The following CLDN11 variants were observed in gnomAD, a reference collection of about 807,000 sequenced individuals.
CLDN11 encodes the protein claudin-11.
In CLDN11, 1 loss-of-function variant was observed where a neutral mutation model predicts 18.0. The observed-to-expected ratio is 0.06, with a 90% confidence interval of 0.02 to 0.26. The LOEUF is 0.26. Ranked by LOEUF, CLDN11 falls within the 10% of genes least tolerant of loss-of-function variation. The probability of loss-of-function intolerance (pLI) is 1.00; values close to 1 mark genes in which losing one functional copy is unlikely to be tolerated. For synonymous variants in CLDN11, 116 were observed against 121.5 expected, an observed-to-expected ratio of 0.96 and a Z score of 0.30; for missense variants, 172 against 276.6, an observed-to-expected ratio of 0.62 and a Z score of 2.68.
intron 1 of CLDN11, among the ~76,000 whole-genome samples, chr3:170,420,761 C>T (rs1358871875): frequency 6.6e-6 from 1 of 152,188 alleles, no homozygotes; most frequent in Admixed American, 6.5e-5. Context: ...GATCTAGACT[C>T]AGCTTTGGCT....
intron 1 of CLDN11, chr3:170,421,160 G>T (rs914213941): frequency 1.3e-5 from 4 of 296,434 alleles, no homozygotes; most frequent in African/African-American, 2.3e-5. Context: ...GGTGGGGGGG[G>T]GGTGGGGGGC....
intron 2 of CLDN11, among the ~76,000 whole-genome samples, chr3:170,424,518 G>A (rs376606705): frequency 2.6e-5 from 4 of 152,160 alleles, no homozygotes; most frequent in Non-Finnish European, 4.4e-5. Flanking sequence ...CTCTCTTCTC[G>A]TCAGTGATTT....
chr3:170,426,095 C>G (rs961095364), intron 2 of CLDN11, among the ~76,000 whole-genome samples: 7 of 152,168 alleles, frequency 4.6e-5, no homozygotes, highest in African/African-American at 1.2e-4. Flanking sequence ...ACAAACACAC[C>G]TCATTCGACC....
chr3:170,423,273 G>C lies in CLDN11; in HGVS notation c.337G>C (p.Gly113Arg). The change falls in exon 2 of 3, where the codon GGT becomes CGT. Residue 113 changes from glycine (G) to arginine (R), a missense_variant. Around this residue, in one of 3 missense-constraint regions of CLDN11, gnomAD observed 161 missense variants for 240.3 expected, o/e 0.67. Coordinates refer to ENST00000064724, the MANE Select transcript of CLDN11 (RefSeq NM_005602.6). ...LPCIRMGQEP[G>R]VAKYRRAQLA... is the part of the protein sequence containing the mutation. ...CTGCATCCGGATGGGCCAGGAGCCC[G>C]GTGTGGCTAAGTACAGGCGGGCCCA... The C allele has an allele frequency of 6.2e-7, 1 of 1,614,176 alleles. No homozygotes were observed. Among genetic ancestry groups the C allele is most frequent in the South Asian group, 1.1e-5 (1 of 91,076 alleles).
chr3:170,429,887 A>T (rs560692519), intron 2 of CLDN11, among the ~76,000 whole-genome samples: 2 of 152,368 alleles, frequency 1.3e-5, no homozygotes, highest in South Asian at 4.1e-4. Context: ...ATAGTTGAAA[A>T]ATATAAAACT....
At chr3:170,431,814 C>G (rs1217530249) in intron 2 of CLDN11, among the ~76,000 whole-genome samples, 2 of 152,206 alleles carry the variant, frequency 1.3e-5, no homozygotes, top group African/African-American at 4.8e-5. Context: ...ACTCCAAGGA[C>G]TGTTCATTTG....
rs1373549726 is a variant in CLDN11, at chr3:170,419,446, C to T, written c.226+154C>T. On this transcript the variant is annotated intron_variant, in intron 1 of 2. Transcript: ENST00000064724. This position sits in a 1 kb window ranked among gnomAD's most constrained non-coding sequence, Gnocchi z 8.6. ...CCCACCTTGTTGTAAAAGAATTAGG[C>T]AGCCCCGAACTTAACTTCTCTAGGC... Among the ~76,000 whole-genome samples the T allele has an allele frequency of 6.6e-6, 1 of 152,188 alleles. No homozygotes were observed. Among genetic ancestry groups the T allele is most frequent in the Non-Finnish European group, 1.5e-5 (1 of 68,044 alleles).
chr3:170,425,052 C>T (rs145529662), intron 2 of CLDN11, among the ~76,000 whole-genome samples: 3 of 152,214 alleles, frequency 2.0e-5, no homozygotes, highest in Non-Finnish European at 4.4e-5. Flanking sequence ...CAGCGTCACA[C>T]GGAACACATA....
At chr3:170,430,839 C>A (rs1041428455) in intron 2 of CLDN11, among the ~76,000 whole-genome samples, 4 of 152,146 alleles carry the variant, frequency 2.6e-5, no homozygotes, top group Admixed American at 6.5e-5. Flanking sequence ...AGCCACCATG[C>A]CTGGCCAATT....
At position 170,423,292 on chromosome 3, in the gene CLDN11, G is replaced by T; in HGVS notation, c.356G>T (p.Arg119Leu). The change falls in exon 2 of 3, where the codon CGG (arginine) becomes CTG (leucine). Residue 119 changes from arginine to leucine, a missense_variant. Around this residue, in one of 3 missense-constraint regions of CLDN11, gnomAD observed 161 missense variants for 240.3 expected, o/e 0.67. Transcript: ENST00000064724. ...GQEPGVAKYR[R>L]AQLAGVLLIL... is the part of the protein sequence containing the mutation. ...GAGCCCGGTGTGGCTAAGTACAGGC[G>T]GGCCCAGCTGGCTGGTGTTTTGCTC... 6.2e-7 allele frequency: 1 copy of T among 1,614,142 alleles called. No homozygotes were observed. Among genetic ancestry groups the T allele is most frequent in the Non-Finnish European group, 8.5e-7 (1 of 1,180,030 alleles).
intron 1 of CLDN11, among the ~76,000 whole-genome samples, chr3:170,420,589 C>A (rs1738700861): frequency 6.6e-6 from 1 of 152,124 alleles, no homozygotes; most frequent in Non-Finnish European, 1.5e-5. Flanking sequence ...GTTTTAAATT[C>A]CTTGAAGATA....
chr3:170,431,471 G>C (rs1739001460), intron 2 of CLDN11, among the ~76,000 whole-genome samples: 1 of 152,158 alleles, frequency 6.6e-6, no homozygotes. Context: ...CTAGCTACAT[G>C]TGGCCATTTA....
At chr3:170,429,528 G>A (rs922321348) in intron 2 of CLDN11, among the ~76,000 whole-genome samples, 3 of 152,234 alleles carry the variant, frequency 2.0e-5, no homozygotes, top group South Asian at 2.1e-4. Flanking sequence ...CCATCCATTC[G>A]TTCCCCCGTT....
Position 170,418,908 on chromosome 3 carries a change from C to T in CLDN11, c.-159C>T, listed in dbSNP as rs1738652424. On this transcript the variant is annotated 5_prime_UTR_variant, in exon 1 of 3. Coordinates refer to ENST00000064724, the MANE Select transcript of CLDN11 (RefSeq NM_005602.6). This position sits in a 1 kb window ranked among gnomAD's most constrained non-coding sequence, Gnocchi z 4.3. ...GCCGTGCGCCCTTCGCCGCTGAGCT[C>T]GCAGCCTCCGGCGCCCACCTCCACC... is the stretch of plus-strand genomic sequence containing the variant. The T allele has an allele frequency of 1.7e-6, 1 of 592,860 alleles. No homozygotes were observed. The highest frequency in any genetic ancestry group is 2.1e-5 in the South Asian group (1 of 47,710). 36.7% of individuals were successfully genotyped at this position (592,860 alleles called of 1,614,324 possible). A position where few individuals can be genotyped will look rare whatever the true frequency, so the allele number is the denominator to read the frequency against.
intron 2 of CLDN11, among the ~76,000 whole-genome samples, chr3:170,427,207 A>C (rs182723703): frequency 1.3e-3 from 193 of 152,298 alleles, no homozygotes; most frequent in Middle Eastern, 3.4e-3. Flanking sequence ...CAGATTTTTA[A>C]AAGGAAATCT....
Position 170,419,655 on chromosome 3 carries a change from G to A in CLDN11, c.226+363G>A, listed in dbSNP as rs111275821. 0.021 allele frequency among the ~76,000 whole-genome samples: 3,249 copies of A among 152,332 alleles called. 115 individuals are homozygous for A. Among genetic ancestry groups the A allele is most frequent in the African/African-American group, 0.073 (3,051 of 41,572 alleles). On this transcript the variant is annotated intron_variant, in intron 1 of 2. Transcript: ENST00000064724. The surrounding 1 kb of genome is among the most constrained non-coding windows in gnomAD (Gnocchi z 8.6). ...CCCGAAGTGCTTCCCGCTCCCGCCC[G>A]GCCTCCCCCGGGGCGCCGAGCCTTC...
chr3:170,428,732 C>T (rs1738924669), intron 2 of CLDN11, among the ~76,000 whole-genome samples: 1 of 152,114 alleles, frequency 6.6e-6, no homozygotes, highest in Non-Finnish European at 1.5e-5. Flanking sequence ...GTTGCATCTT[C>T]TGAAGGTAAA....
At chr3:170,427,219 A>C (rs1286405293) in intron 2 of CLDN11, among the ~76,000 whole-genome samples, 1 of 152,226 alleles carries the variant, frequency 6.6e-6, no homozygotes, top group Non-Finnish European at 1.5e-5. Context: ...AGGAAATCTT[A>C]GATAGCATAT....
intron 2 of CLDN11, among the ~76,000 whole-genome samples, chr3:170,425,697 C>T (rs75845033): frequency 0.038 from 5,775 of 152,214 alleles, 159 homozygotes; most frequent in South Asian, 0.14. Flanking sequence ...TGACCCCACC[C>T]AAGGAGGCTG....
Sources: allele counts gnomAD v4.1 joint callset (sites outside exome capture counted in the v4.1 genomes callset), GRCh38; gene constraint gnomAD v4.1.1; regional missense constraint gnomAD v4.1.1; non-coding constraint Gnocchi (gnomAD v3.1); transcripts MANE v1.5; gene names NCBI Gene and HGNC (gene_info 2026-07-23, HGNC 2026-07-21).